The following AP3B2 variants were observed in gnomAD, a reference collection of about 807,000 sequenced individuals.
AP3B2 encodes AP-3 complex subunit beta-2.
AP3B2 carries 50 observed loss-of-function variants against 126.9 expected under a neutral mutation model. That is an observed-to-expected ratio of 0.39 (90% CI 0.31 to 0.50). The LOEUF is 0.50. Among genes scored for constraint, AP3B2 ranks in the 20% least tolerant of loss-of-function variants. The pLI is 0.79. For synonymous variants in AP3B2, 541 were observed against 565.0 expected, an observed-to-expected ratio of 0.96 and a Z score of 0.60; for missense variants, 1,177 against 1,426.4, an observed-to-expected ratio of 0.83 and a Z score of 2.82.
rs746346093 is a variant in AP3B2, at chr15:82,661,882, C to A, written c.2959G>T (p.Val987Phe). ...RQFYVSIQPPVGELMAPVFMS... is the reference protein window; with the variant it reads ...RQFYVSIQPPFGELMAPVFMS... ...AACACAGGGGCCATCAGCTCCCCAA[C>A]AGGTGGCTGAATGGAGACGTAGAAC... The change falls in exon 25 of 27, where the codon GTT (valine) becomes TTT (phenylalanine). Residue 987 changes from valine to phenylalanine, a missense_variant. Transcript: ENST00000535359. 5.6e-6 allele frequency: 9 copies of A among 1,613,806 alleles called. No homozygotes were observed. The South Asian group carries it at 8.8e-5, about 16-fold the overall frequency.
chr15:82,693,665 A>C (rs561138992), intron 1 of AP3B2, among the ~76,000 whole-genome samples: 1 of 152,236 alleles, frequency 6.6e-6, no homozygotes, highest in African/African-American at 2.4e-5. Context: ...AAGGTCATAA[A>C]ATTATTAGCA....
In AP3B2 at chr15:82,709,668, G is replaced by C. The variant is rs1447851210; in HGVS notation, c.39C>G (p.Gly13=). 6.6e-7 allele frequency: 1 copy of C among 1,508,226 alleles called. No homozygotes were observed. The highest frequency in any genetic ancestry group is 8.8e-7 in the Non-Finnish European group (1 of 1,130,770). The allele number at this position is 1,508,226 out of a possible 1,614,324, so 93.4% of individuals were successfully genotyped here. ...AAPAYSEDKG[G]SAGPGEPEYG... ...ACTCGGGCTCCCCGGGGCCAGCGGA[G>C]CCGCCCTTGTCTTCGCTGTAGGCGG... The change falls in exon 1 of 27, where the codon GGC becomes GGG. Residue 13 remains glycine (G), a synonymous_variant. Coordinates refer to ENST00000535359, the MANE Select transcript of AP3B2 (RefSeq NM_001278512.2).
At chr15:82,668,760 T>C (rs2048099433) in intron 14 of AP3B2, among the ~76,000 whole-genome samples, 1 of 151,344 alleles carries the variant, frequency 6.6e-6, no homozygotes. Context: ...AGCCAGGATG[T>C]GCAGGAATTA....
At chr15:82,676,833 C>G (rs79741748) in intron 13 of AP3B2, among the ~76,000 whole-genome samples, 196 bp from the exon 14 acceptor site, 13 of 152,276 alleles carry the variant, frequency 8.5e-5, no homozygotes, top group African/African-American at 3.1e-4. Context: ...TTCCCCTCTT[C>G]CCTAGGGCTT....
chr15:82,663,767 T>C, intron 20 of AP3B2, 34 bp downstream of exon 20: 6 of 1,602,620 alleles, frequency 3.7e-6, no homozygotes, highest in Non-Finnish European at 5.1e-6. Flanking sequence ...CCCTGGCCCA[T>C]GAGCACACCC....
In AP3B2 at chr15:82,662,198, T is replaced by G; in HGVS notation, c.2888A>C (p.Asp963Ala). Residue 963 changes from aspartate (D) to alanine (A), a missense_variant, in exon 24 of 27, where the codon GAC becomes GCC. Physicochemically the swap from Asp to Ala is moderately radical, Grantham distance 126. This residue lies in a region of AP3B2 where 587 missense variants were observed against 571.3 expected (regional missense o/e 1.03). Coordinates refer to ENST00000535359, the MANE Select transcript of AP3B2 (RefSeq NM_001278512.2). ...ATAVMGINFC[D>A]STQAANFQLC... ...CTGGAAGTTGGCTGCCTGGGTTGAG[T>G]CACAGAAATTAATGCCCATTACAGC... The G allele has an allele frequency of 6.2e-7, 1 of 1,603,862 alleles. No homozygotes were observed. Among genetic ancestry groups the G allele is most frequent in the Non-Finnish European group, 8.5e-7 (1 of 1,175,152 alleles).
intron 1 of AP3B2, among the ~76,000 whole-genome samples, chr15:82,691,216 A>C (rs1197251722): frequency 6.6e-6 from 1 of 152,102 alleles, no homozygotes; most frequent in East Asian, 1.9e-4. Flanking sequence ...ACTAGTTTAC[A>C]CTCCCACCAA....
intron 4 of AP3B2, chr15:82,687,384 T>C (rs1264891081): frequency 6.6e-6 from 1 of 152,192 alleles, no homozygotes; most frequent in Non-Finnish European, 1.5e-5. Flanking sequence ...AATTATCACA[T>C]TGAGTTGAAC....
chr15:82,677,624 C>A (rs746358753), intron 12 of AP3B2, 47 bp downstream of exon 12: 28 of 1,488,466 alleles, frequency 1.9e-5, no homozygotes, highest in African/African-American at 2.8e-5. Context: ...GACCTGCAGG[C>A]AGACACCCTC....
chr15:82,694,754 T>TCTGGAG (rs1168270280), intron 1 of AP3B2, among the ~76,000 whole-genome samples: 1 of 152,068 alleles, frequency 6.6e-6, no homozygotes, highest in African/African-American at 2.4e-5. Flanking sequence ...TGCTCACAGT[T>TCTGGAG]CTGGAGGCTG....
At chr15:82,684,455 A>C (rs890484303) in intron 4 of AP3B2, among the ~76,000 whole-genome samples, 6 of 152,200 alleles carry the variant, frequency 3.9e-5, no homozygotes, top group African/African-American at 1.4e-4. Context: ...GGAGAGATTT[A>C]AGACCTGCCT....
chr15:82,680,298 A>G lies in AP3B2; in HGVS notation c.1056-69T>C, dbSNP rs1266907209. ...GGCAAGGGTCAGCGGATGAGGGGAA[A>G]AGGTGGGGCAAGTCGTTGCGGGGAG... is the stretch of plus-strand genomic sequence containing the variant. On this transcript the variant is annotated intron_variant, in intron 8 of 26. Coordinates refer to ENST00000535359, the MANE Select transcript of AP3B2 (RefSeq NM_001278512.2). This position sits in a 1 kb window ranked among gnomAD's most constrained non-coding sequence, Gnocchi z 6.1. The G allele has an allele frequency of 1.9e-6, 3 of 1,603,500 alleles. No individual in the cohort carries two copies. The highest frequency in any genetic ancestry group is 2.6e-6 in the Non-Finnish European group (3 of 1,174,120).
chr15:82,696,997 C>A (rs956654617), intron 1 of AP3B2, among the ~76,000 whole-genome samples: 1 of 152,108 alleles, frequency 6.6e-6, no homozygotes, highest in Non-Finnish European at 1.5e-5. Context: ...AGCTTTGACC[C>A]AGGCACAAGA....
Position 82,709,771 on chromosome 15 carries a change from A to G in AP3B2, c.-65T>C. ...GGCCGGAGGCCGGCTGGAGCGGAGG[A>G]AGGGAAGGCGGGCCGGTCCGGTCCG... On this transcript the variant is annotated 5_prime_UTR_variant, in exon 1 of 27. Transcript: ENST00000535359. The G allele has an allele frequency of 7.5e-7, 1 of 1,330,068 alleles. No homozygotes were observed. Among genetic ancestry groups the G allele is most frequent in the Non-Finnish European group, 9.9e-7 (1 of 1,009,976 alleles). 82.4% of individuals were successfully genotyped at this position (1,330,068 alleles called of 1,614,324 possible). A position where few individuals can be genotyped will look rare whatever the true frequency, so the allele number is the denominator to read the frequency against.
intron 14 of AP3B2, among the ~76,000 whole-genome samples, chr15:82,674,283 C>T (rs2048207143): frequency 6.6e-6 from 1 of 152,190 alleles, no homozygotes; most frequent in Admixed American, 6.5e-5. Flanking sequence ...AACCACCTCC[C>T]TCCTAGTACC....
rs970005095 is a variant in AP3B2, at chr15:82,663,790, A to C, written c.2436+11T>G. The C allele has an allele frequency of 2.0e-5, 33 of 1,610,142 alleles. No homozygotes were observed. The highest frequency in any genetic ancestry group is 2.7e-5 in the Non-Finnish European group (32 of 1,177,678). On this transcript the variant is annotated intron_variant, in intron 20 of 26. Coordinates refer to ENST00000535359, the MANE Select transcript of AP3B2 (RefSeq NM_001278512.2). ...CATGAGCACACCCTGACTCTGCCCC[A>C]AGGCTCTCACTGTTTTCCTGCTCCA...
chr15:82,663,676 T>C (rs1386282939), intron 20 of AP3B2, 56 bp from the exon 21 acceptor site: 6 of 1,612,134 alleles, frequency 3.7e-6, no homozygotes, highest in Non-Finnish European at 1.7e-6. Flanking sequence ...TGGCATGTTC[T>C]GGGTTGGGTA....
At chr15:82,662,622 G>T in intron 23 of AP3B2, 72 bp downstream of exon 23, 2 of 1,416,092 alleles carry the variant, frequency 1.4e-6, no homozygotes, top group Non-Finnish European at 1.9e-6. Flanking sequence ...CACAAGGAGG[G>T]TATCAGCAAC....
intron 14 of AP3B2, among the ~76,000 whole-genome samples, chr15:82,674,730 C>G (rs2048216064): frequency 6.6e-6 from 1 of 152,214 alleles, no homozygotes; most frequent in South Asian, 2.1e-4. Flanking sequence ...CTCACAGTAA[C>G]AACTTGGGGG....
Sources: gnomAD v4.1 joint callset for allele counts (sites outside exome capture counted in the v4.1 genomes callset) on GRCh38, gnomAD v4.1.1 for gene constraint, gnomAD v4.1.1 regional missense constraint, Gnocchi (gnomAD v3.1) non-coding constraint, MANE v1.5 for transcripts, NCBI Gene and HGNC (gene_info 2026-07-23, HGNC 2026-07-21) for gene names.